NOL4: variants seen among roughly 807,000 people sequenced by gnomAD.
NOL4 encodes cancer/testis antigen 125.
A neutral mutation model predicts 75.9 loss-of-function variants in NOL4; 17 were observed. That is an observed-to-expected ratio of 0.22 (90% CI 0.15 to 0.34). NOL4 has a LOEUF of 0.34. NOL4 is among the 10% of genes least tolerant of loss of function. NOL4 has a pLI of 1.00. For synonymous variants in NOL4, 292 were observed against 289.9 expected (o/e 1.01, Z -0.07); for missense variants, 614 against 793.5 (o/e 0.77, Z 2.72).
intron 6 of NOL4, among the ~76,000 whole-genome samples, chr18:33,965,954 G>A (rs545074279): frequency 2.6e-5 from 4 of 152,254 alleles, no homozygotes; most frequent in African/African-American, 9.6e-5. Flanking sequence ...TTTAGGTGAT[G>A]AGTACTACTG....
At chr18:33,900,233 T>C (rs1348431258) in intron 9 of NOL4, among the ~76,000 whole-genome samples, 1 of 151,802 alleles carries the variant, frequency 6.6e-6, no homozygotes, top group Non-Finnish European at 1.5e-5. Context: ...CAGGAGGAGG[T>C]ACAAGGCTCT....
chr18:33,885,495 A>T (rs1291740752), intron 9 of NOL4, among the ~76,000 whole-genome samples: 8 of 152,158 alleles, frequency 5.3e-5, no homozygotes, highest in African/African-American at 1.2e-4. Context: ...TAATCTAATT[A>T]AAAAATGAGC....
At chr18:34,037,868 T>C (rs1246414666) in intron 5 of NOL4, among the ~76,000 whole-genome samples, 3 of 151,954 alleles carry the variant, frequency 2.0e-5, no homozygotes, top group Non-Finnish European at 4.4e-5. Flanking sequence ...TTCAATAGCA[T>C]AGAAACTAAA....
At chr18:33,999,245 T>C (rs1362041904) in intron 6 of NOL4, among the ~76,000 whole-genome samples, 1 of 151,804 alleles carries the variant, frequency 6.6e-6, no homozygotes, top group South Asian at 2.1e-4. Context: ...CTGGGCTGGC[T>C]TAATCAATCC....
intron 9 of NOL4, among the ~76,000 whole-genome samples, chr18:33,932,825 C>T (rs1009228673): frequency 5.3e-5 from 8 of 152,006 alleles, no homozygotes. Context: ...TTTCTATACT[C>T]TTATAAAAAG....
intron 1 of NOL4, chr18:34,221,923 G>C (rs2037338673): frequency 1.0e-6 from 1 of 990,440 alleles, no homozygotes; most frequent in African/African-American, 1.6e-5. Context: ...GTACAGGAGG[G>C]GGGAAAGGAA....
At chr18:33,869,063 C>G (rs1274751725) in intron 10 of NOL4, among the ~76,000 whole-genome samples, 9 of 151,834 alleles carry the variant, frequency 5.9e-5, no homozygotes, top group African/African-American at 2.2e-4. Context: ...AATAACCTAA[C>G]AAATATGTAG....
At chr18:34,024,194 A>AAAAAAAAAATAT in intron 5 of NOL4, among the ~76,000 whole-genome samples, 1 of 70,690 alleles carries the variant, frequency 1.4e-5, no homozygotes, top group Non-Finnish European at 3.1e-5. Flanking sequence ...AAAAAAAAAA[A>AAAAAAAAAATAT]ATATATATAT....
chr18:34,209,743 A>C (rs1463822187), intron 1 of NOL4, among the ~76,000 whole-genome samples: 2 of 152,246 alleles, frequency 1.3e-5, no homozygotes, highest in African/African-American at 4.8e-5. Context: ...ATCATTGGCA[A>C]CAGTTCAACC....
At chr18:34,070,795 G>A (rs1031175910) in intron 5 of NOL4, among the ~76,000 whole-genome samples, 1 of 151,938 alleles carries the variant, frequency 6.6e-6, no homozygotes, top group Non-Finnish European at 1.5e-5. Context: ...AAATACATAG[G>A]TATATATAAA....
At chr18:34,041,289 T>C (rs1197219357) in intron 5 of NOL4, among the ~76,000 whole-genome samples, 2 of 151,912 alleles carry the variant, frequency 1.3e-5, no homozygotes, top group Admixed American at 6.6e-5. Context: ...GAGAAGAACT[T>C]GGGAACAATG....
intron 6 of NOL4, among the ~76,000 whole-genome samples, chr18:34,008,706 TTTGATTCACTGTTTTTGGTGAAA>T (rs1257674093): frequency 6.6e-6 from 1 of 151,942 alleles, no homozygotes; most frequent in East Asian, 1.9e-4. Flanking sequence ...ATTTATTTCA[TTTGATTCACTGTTTTTGGTGAAA>T]TATTCAAAAG....
chr18:34,209,088 G>A (rs1048276310), intron 1 of NOL4, among the ~76,000 whole-genome samples: 94 of 149,464 alleles, frequency 6.3e-4, no homozygotes, highest in African/African-American at 2.2e-3. Context: ...GTGGGTGCCT[G>A]TAATCCCAGC....
chr18:33,920,244 T>A (rs2066952779), intron 9 of NOL4, among the ~76,000 whole-genome samples: 1 of 152,088 alleles, frequency 6.6e-6, no homozygotes, highest in Non-Finnish European at 1.5e-5. Context: ...TCTCCTGATG[T>A]TAAAATTTGT....
intron 1 of NOL4, among the ~76,000 whole-genome samples, chr18:34,170,108 A>G (rs1348667638): frequency 1.3e-5 from 2 of 152,130 alleles, no homozygotes; most frequent in East Asian, 3.9e-4. Context: ...ACCAGTAGTC[A>G]GTAGCAACAT....
intron 1 of NOL4, among the ~76,000 whole-genome samples, chr18:34,165,390 A>T (rs1476872055): frequency 6.6e-6 from 1 of 152,142 alleles, no homozygotes; most frequent in Non-Finnish European, 1.5e-5. Flanking sequence ...AGTAAGTAGA[A>T]AAGCTTTTAG....
chr18:34,080,200 G>A (rs2077941118), intron 5 of NOL4, among the ~76,000 whole-genome samples: 1 of 152,122 alleles, frequency 6.6e-6, no homozygotes, highest in Non-Finnish European at 1.5e-5. Context: ...AGCATTTGCA[G>A]CTCCTCCATC....
At chr18:33,908,727 T>A (rs958419700) in intron 9 of NOL4, among the ~76,000 whole-genome samples, 6 of 152,144 alleles carry the variant, frequency 3.9e-5, no homozygotes, top group African/African-American at 1.4e-4. Flanking sequence ...TTTATATTAA[T>A]GTGAAGTTAA....
At chr18:34,087,327 C>T (rs542467464) in intron 5 of NOL4, among the ~76,000 whole-genome samples, 1 of 152,166 alleles carries the variant, frequency 6.6e-6, no homozygotes, top group African/African-American at 2.4e-5. Flanking sequence ...AATCAGATTG[C>T]TATTTTTTGT....
Sources: allele counts gnomAD v4.1 joint callset (sites outside exome capture counted in the v4.1 genomes callset), GRCh38; gene constraint gnomAD v4.1.1; transcripts MANE v1.5; gene names NCBI Gene and HGNC (gene_info 2026-07-23, HGNC 2026-07-21).